Variants in FN1 observed in about 807,000 individuals in gnomAD.
FN1 encodes the protein fibronectin.
A neutral mutation model predicts 297.3 loss-of-function variants in FN1; 106 were observed. That is an observed-to-expected ratio of 0.36 (90% CI 0.30 to 0.42). The LOEUF is 0.42. Among genes scored for constraint, FN1 ranks in the 10% least tolerant of loss-of-function variants. The pLI is 1.00. For synonymous variants in FN1, 1,149 were observed against 1,152.6 expected (o/e 1.00, Z 0.06); for missense variants, 2,690 against 3,124.9 (o/e 0.86, Z 3.32).
chr2:215,406,483 T>C lies in FN1; in HGVS notation c.2741A>G (p.Gln914Arg). 6.2e-7 allele frequency: 1 copy of C among 1,614,064 alleles called. No homozygotes were observed. Among genetic ancestry groups the C allele is most frequent in the Non-Finnish European group, 8.5e-7 (1 of 1,180,018 alleles). ...SDTVPSPRDL[Q>R]FVEVTDVKVT... The stretch of plus-strand genomic sequence containing the variant: ...CTTCACGTCTGTCACTTCCACAAAC[T>C]GCAGGTCCCTGGGAGAGGGCACTGT... Residue 914 changes from glutamine to arginine, a missense_variant, in exon 19 of 46, where the codon CAG becomes CGG. Physicochemically the swap from Gln to Arg is conservative, Grantham distance 43. Coordinates refer to ENST00000354785, the MANE Select transcript of FN1 (RefSeq NM_212482.4).
At chr2:215,386,058 G>T (rs1223858946) in intron 28 of FN1, among the ~76,000 whole-genome samples, 1 of 146,968 alleles carries the variant, frequency 6.8e-6, no homozygotes, top group East Asian at 2.2e-4. Context: ...TTACAAGCGT[G>T]AGCCATTGCG....
chr2:215,379,078 G>A (rs2057800421), intron 34 of FN1, 52 bp downstream of exon 34: 3 of 1,442,620 alleles, frequency 2.1e-6, no homozygotes, highest in Non-Finnish European at 2.0e-6. Context: ...CTTAGAAACT[G>A]TGTTAGAGAT....
At position 215,425,216 on chromosome 2, in the gene FN1, T is replaced by C. The variant is rs2065117033; in HGVS notation, c.914A>G (p.Tyr305Cys). The C allele has an allele frequency of 1.2e-6, 2 of 1,614,050 alleles. No homozygotes were observed. The highest frequency in any genetic ancestry group is 8.5e-7 in the Non-Finnish European group (1 of 1,179,988). Residue 305 changes from tyrosine to cysteine, a missense_variant, in exon 7 of 46, where the codon TAT (tyrosine) becomes TGT (cysteine). This residue lies in a region of FN1 where 876 missense variants were observed against 1,058.1 expected (regional missense o/e 0.83). Coordinates refer to ENST00000354785, the MANE Select transcript of FN1 (RefSeq NM_212482.4). ...QPQPHPQPPP[Y>C]GHCVTDSGVV... ...ACCACTGTCTGTGACACAGTGGCCATAGGGAGGAGGCTGGGGGTGAGGCTG... is the reference window on the plus strand; with the variant it reads ...ACCACTGTCTGTGACACAGTGGCCACAGGGAGGAGGCTGGGGGTGAGGCTG...
At chr2:215,420,565 A>AC in intron 11 of FN1, 108 bp downstream of exon 11, 1 of 1,423,186 alleles carries the variant, frequency 7.0e-7, no homozygotes. Context: ...GCAACTGATC[A>AC]AAGTCTGGAG....
Position 215,361,556 on chromosome 2 carries a change from T to G in FN1, c.7433A>C (p.Ter2478SerextTer18), listed in dbSNP as rs756083637. The G allele has an allele frequency of 1.3e-6, 2 of 1,598,912 alleles. No individual in the cohort carries two copies. The highest frequency in any genetic ancestry group is 1.7e-6 in the Non-Finnish European group (2 of 1,166,136). Residue 2478 changes from the stop codon to serine (S), a stop_lost, in exon 46 of 46, where the codon TAA becomes TCA. Transcript: ENST00000354785. ...GTTCCTCTGGATTGGAAAGATGATT[T>G]ACTCTCGGGAATCTTCTCTGTCAGC... ...VQADREDSRE[*>S]
chr2:215,430,508 C>T (rs555198425), intron 5 of FN1, among the ~76,000 whole-genome samples: 10 of 152,240 alleles, frequency 6.6e-5, no homozygotes, highest in East Asian at 3.9e-4. Context: ...GAGATTGAAC[C>T]TTATCAAAGT....
chr2:215,408,161 A>G lies in FN1; in HGVS notation c.2465T>C (p.Val822Ala), dbSNP rs374082863. Residue 822 changes from valine to alanine, a missense_variant, in exon 17 of 46, where the codon GTT (valine) becomes GCT (alanine). Val to Ala is a moderately conservative substitution (Grantham distance 64). Around this residue, in one of 3 missense-constraint regions of FN1, gnomAD observed 876 missense variants for 1,058.1 expected, o/e 0.83. Coordinates refer to ENST00000354785, the MANE Select transcript of FN1 (RefSeq NM_212482.4). ...GCGAACAACAATTGAGGTGTCATCAACTTGGTCCACAGTCGTGTCAGGAGG... is the reference window on the plus strand; with the variant it reads ...GCGAACAACAATTGAGGTGTCATCAGCTTGGTCCACAGTCGTGTCAGGAGG... ...DAPPDTTVDQVDDTSIVVRWS... is the reference protein window; with the variant it reads ...DAPPDTTVDQADDTSIVVRWS... 1.1e-5 allele frequency: 17 copies of G among 1,614,012 alleles called. No individual in the cohort carries two copies. Among genetic ancestry groups the G allele is most frequent in the African/African-American group, 6.7e-5 (5 of 74,904 alleles).
intron 44 of FN1, chr2:215,364,442 A>C: frequency 3.7e-6 from 1 of 267,516 alleles, no homozygotes. Flanking sequence ...GGAGGGTCTC[A>C]GGCTGCCCAG....
intron 12 of FN1, among the ~76,000 whole-genome samples, chr2:215,418,194 T>C (rs1436869913): frequency 6.6e-6 from 1 of 152,186 alleles, no homozygotes; most frequent in African/African-American, 2.4e-5. Flanking sequence ...TGACAGTGTC[T>C]GAGGGTTGGG....
At chr2:215,401,252 A>AAAGAC (rs2061076230) in intron 20 of FN1, among the ~76,000 whole-genome samples, 1 of 22,432 alleles carries the variant, frequency 4.5e-5, no homozygotes, top group African/African-American at 1.4e-4. Context: ...GAAAGAAAGG[A>AAAGAC]AGAAAGAAAG....
intron 3 of FN1, among the ~76,000 whole-genome samples, chr2:215,432,439 A>G (rs1007651363): frequency 1.3e-5 from 2 of 152,206 alleles, no homozygotes; most frequent in African/African-American, 4.8e-5. Flanking sequence ...AAGTGTGGAA[A>G]TCCTGGTAGT....
At chr2:215,404,180 G>C (rs574488948) in intron 20 of FN1, among the ~76,000 whole-genome samples, 1 of 152,120 alleles carries the variant, frequency 6.6e-6, no homozygotes, top group East Asian at 1.9e-4. Context: ...TGTGATTTAC[G>C]TTCTGGCACA....
At chr2:215,416,805 G>A (rs1009769628) in intron 12 of FN1, among the ~76,000 whole-genome samples, 13 of 152,190 alleles carry the variant, frequency 8.5e-5, no homozygotes, top group Non-Finnish European at 1.6e-4. Flanking sequence ...AAAATGGGCA[G>A]GGAAAGGAAA....
intron 13 of FN1, among the ~76,000 whole-genome samples, chr2:215,410,734 C>T (rs1286780855): frequency 6.6e-6 from 1 of 152,002 alleles, no homozygotes; most frequent in Non-Finnish European, 1.5e-5. Flanking sequence ...CTCGAACTCC[C>T]GACCTCAGGT....
chr2:215,364,784 G>T, intron 44 of FN1, 95 bp downstream of exon 44: 2 of 806,464 alleles, frequency 2.5e-6, no homozygotes, highest in Non-Finnish European at 4.2e-6. Context: ...TACTTCCGAA[G>T]GGTCTCTGCC....
intron 6 of FN1, among the ~76,000 whole-genome samples, chr2:215,426,396 C>A (rs969093915): frequency 1.3e-5 from 2 of 152,144 alleles, no homozygotes. Context: ...GATCCACCCG[C>A]CTTGGCCTCC....
At chr2:215,431,302 A>C (rs2066469533) in intron 4 of FN1, among the ~76,000 whole-genome samples, 1 of 152,240 alleles carries the variant, frequency 6.6e-6, no homozygotes, top group Non-Finnish European at 1.5e-5. Context: ...AAAAACCTCT[A>C]AATTAGAAGA....
chr2:215,369,397 G>A (rs1364477868), intron 41 of FN1, among the ~76,000 whole-genome samples: 1 of 152,108 alleles, frequency 6.6e-6, no homozygotes, highest in Non-Finnish European at 1.5e-5. Flanking sequence ...ATGCTCAACT[G>A]CTTAATTCAC....
chr2:215,378,068 A>G, intron 35 of FN1, 107 bp downstream of exon 35: 2 of 796,528 alleles, frequency 2.5e-6, no homozygotes, highest in Non-Finnish European at 4.4e-6. Context: ...TCAGCTTCCC[A>G]AAGTGCTTGG....
Sources: gnomAD v4.1 joint callset for allele counts (sites outside exome capture counted in the v4.1 genomes callset) on GRCh38, gnomAD v4.1.1 for gene constraint, gnomAD v4.1.1 regional missense constraint, MANE v1.5 for transcripts, NCBI Gene and HGNC (gene_info 2026-07-23, HGNC 2026-07-21) for gene names.